Variants in COL22A1 observed in about 807,000 individuals in gnomAD.
COL22A1 encodes collagen alpha-1(XXII) chain.
In COL22A1, 221 loss-of-function variants were observed where a neutral mutation model predicts 248.9. The ratio of observed to expected loss-of-function variants is 0.89; its 90% CI spans 0.80 to 0.99. The LOEUF (loss-of-function observed/expected upper bound fraction) is 0.99, where lower values mean the gene tolerates loss of function less well. Among genes scored for constraint, COL22A1 ranks in the 50% least tolerant of loss-of-function variants. The pLI, the probability that COL22A1 is intolerant of heterozygous loss-of-function variation, is 0.00. For synonymous variants in COL22A1, 891 were observed against 793.4 expected (o/e 1.12, Z -2.07); for missense variants, 2,240 against 2,179.0 (o/e 1.03, Z -0.56).
At chr8:138,628,031 A>G (rs762402932) in intron 50 of COL22A1, among the ~76,000 whole-genome samples, 1 of 152,224 alleles carries the variant, frequency 6.6e-6, no homozygotes, top group Non-Finnish European at 1.5e-5. Context: ...CTAACAATCT[A>G]GAACTCTACA....
chr8:138,657,941 T>C (rs895506026), intron 44 of COL22A1, among the ~76,000 whole-genome samples: 1 of 150,730 alleles, frequency 6.6e-6, no homozygotes, highest in Non-Finnish European at 1.5e-5. Flanking sequence ...TAGACTTGAC[T>C]TGAACACACA....
chr8:138,777,831 G>A (rs1375969160), intron 15 of COL22A1: 9 of 163,384 alleles, frequency 5.5e-5, no homozygotes, highest in Non-Finnish European at 1.2e-4. Context: ...ATAAACATAC[G>A]TGTGCATGTG....
chr8:138,785,670 G>C (rs879781758), intron 12 of COL22A1, among the ~76,000 whole-genome samples: 7 of 152,160 alleles, frequency 4.6e-5, no homozygotes, highest in African/African-American at 7.2e-5. Context: ...ATAAAGGAGG[G>C]GGCAGCAGGA....
chr8:138,771,353 C>T (rs1173745301), intron 16 of COL22A1, among the ~76,000 whole-genome samples: 1 of 152,236 alleles, frequency 6.6e-6, no homozygotes, highest in Non-Finnish European at 1.5e-5. Flanking sequence ...AAGGCCCAAA[C>T]CAGAAATGAG....
At chr8:138,688,552 G>A (rs1040275231) in intron 37 of COL22A1, among the ~76,000 whole-genome samples, 1 of 152,038 alleles carries the variant, frequency 6.6e-6, no homozygotes, top group African/African-American at 2.4e-5. Context: ...AGCTTGGGAA[G>A]GTTTACGTGT....
At chr8:138,749,917 C>A (rs946241795) in intron 22 of COL22A1, among the ~76,000 whole-genome samples, 9 of 152,264 alleles carry the variant, frequency 5.9e-5, no homozygotes, top group African/African-American at 2.2e-4. Context: ...GTGTCCCCAC[C>A]CAAATCTCAT....
chr8:138,649,796 G>A lies in COL22A1; in HGVS notation c.3334-18C>T. ...CACACATCCTGAGAGTGGGGAGAGAGGTGGGGACAAAGAGAGAATAACTAG... is the reference window on the plus strand; with the variant it reads ...CACACATCCTGAGAGTGGGGAGAGAAGTGGGGACAAAGAGAGAATAACTAG... On this transcript the variant is annotated intron_variant, in intron 45 of 64. Transcript: ENST00000303045. 1 of 1,477,264 alleles carries A rather than the reference G, an allele frequency of 6.8e-7. No individual in the cohort carries two copies. Among genetic ancestry groups the A allele is most frequent in the Non-Finnish European group, 9.2e-7 (1 of 1,089,104 alleles). 91.5% of individuals were successfully genotyped at this position (1,477,264 alleles called of 1,614,324 possible). A position where few individuals can be genotyped will look rare whatever the true frequency, so the allele number is the denominator to read the frequency against.
chr8:138,902,961 T>C (rs368283441), intron 1 of COL22A1, among the ~76,000 whole-genome samples: 5 of 152,176 alleles, frequency 3.3e-5, no homozygotes, highest in East Asian at 3.9e-4. Context: ...TCAAGGGTGG[T>C]TACTTTAGCC....
chr8:138,767,088 G>A (rs1003582733), intron 16 of COL22A1, among the ~76,000 whole-genome samples: 1 of 152,192 alleles, frequency 6.6e-6, no homozygotes, highest in African/African-American at 2.4e-5. Flanking sequence ...TAGCAGCTCT[G>A]TCACTCGGTT....
chr8:138,663,769 A>G (rs1457592007), intron 41 of COL22A1, 29 bp from the exon 42 acceptor site: 1 of 1,584,104 alleles, frequency 6.3e-7, no homozygotes. Flanking sequence ...GTATGTAAGC[A>G]AAGTAGAAAT....
rs564656889 is a variant in COL22A1, at chr8:138,814,934, C to T, written c.1246-1915G>A. Among the ~76,000 whole-genome samples, 5 of 152,240 alleles carry T rather than the reference C, an allele frequency of 3.3e-5. No individual in the cohort carries two copies. In the East Asian group the frequency reaches 9.7e-4, roughly 29 times the overall value. Reference sequence around the variant, plus strand: ...TGGCTGTGTCCCCACCCAAATCTCACCTTGAATTGTAATAATCCCCATGTG... The same window carrying T: ...TGGCTGTGTCCCCACCCAAATCTCATCTTGAATTGTAATAATCCCCATGTG... On this transcript the variant is annotated intron_variant, in intron 7 of 64. Transcript: ENST00000303045.
At chr8:138,606,325 T>A (rs1284058300) in intron 58 of COL22A1, 56 bp downstream of exon 58, 3 of 1,494,984 alleles carry the variant, frequency 2.0e-6, no homozygotes, top group Non-Finnish European at 2.8e-6. Flanking sequence ...GTACTGCATG[T>A]GAACATCACT....
chr8:138,628,048 T>C (rs1587709157), intron 50 of COL22A1, among the ~76,000 whole-genome samples: 3 of 152,202 alleles, frequency 2.0e-5, no homozygotes, highest in African/African-American at 4.8e-5. Context: ...TACATTCATA[T>C]TGTTATACAT....
chr8:138,803,172 G>C (rs558170502), intron 10 of COL22A1, among the ~76,000 whole-genome samples: 56 of 152,296 alleles, frequency 3.7e-4, no homozygotes, highest in African/African-American at 1.3e-3. Context: ...GTGCATGAAA[G>C]CATTGCACAT....
chr8:138,638,445 T>TC (rs971119954), intron 47 of COL22A1, among the ~76,000 whole-genome samples: 4 of 151,940 alleles, frequency 2.6e-5, no homozygotes, highest in Non-Finnish European at 4.4e-5. Flanking sequence ...CTTCAGGGGG[T>TC]CCAGTGCCCC....
At chr8:138,716,384 C>G (rs887428435) in intron 28 of COL22A1, 95 bp from the exon 29 acceptor site, 5 of 828,556 alleles carry the variant, frequency 6.0e-6, no homozygotes, top group East Asian at 5.3e-5. Context: ...TCTCCAGGAA[C>G]TGGAGATGTT....
At chr8:138,722,424 C>A (rs1829941747) in intron 25 of COL22A1, among the ~76,000 whole-genome samples, 1 of 152,208 alleles carries the variant, frequency 6.6e-6, no homozygotes, top group Non-Finnish European at 1.5e-5. Flanking sequence ...GCCCTGGGGA[C>A]AACAATGTCC....
intron 47 of COL22A1, 147 bp from the exon 48 acceptor site, chr8:138,636,942 A>G (rs1587729365): frequency 2.8e-6 from 2 of 703,234 alleles, no homozygotes; most frequent in Non-Finnish European, 5.0e-6. Context: ...CGGTGGCAGC[A>G]GATAGATAGA....
rs370099435 is a variant in COL22A1 at position 138,660,497 on chromosome 8, A to T, written c.3241-17T>A. The T allele has an allele frequency of 9.9e-6, 16 of 1,612,852 alleles. No homozygotes were observed. The highest frequency in any genetic ancestry group is 9.3e-6 in the Non-Finnish European group (11 of 1,178,920). ...TGGTGCACCCTAAGAGAAGAAGGAA[A>T]TAAAACATTAACTGTGATAAGCACA... On this transcript the variant is annotated splice_polypyrimidine_tract_variant and intron_variant, in intron 43 of 64. Coordinates refer to ENST00000303045, the MANE Select transcript of COL22A1 (RefSeq NM_152888.3).
Sources: gnomAD v4.1 joint callset for allele counts (sites outside exome capture counted in the v4.1 genomes callset) on GRCh38, gnomAD v4.1.1 for gene constraint, MANE v1.5 for transcripts, NCBI Gene and HGNC (gene_info 2026-07-23, HGNC 2026-07-21) for gene names.